The following ARMH4 variants were observed in gnomAD, a reference collection of about 807,000 sequenced individuals.
ARMH4 encodes the protein armadillo like helical domain containing 4.
ARMH4 carries 49 observed loss-of-function variants against 61.9 expected under a neutral mutation model. That is an observed-to-expected ratio of 0.79 (90% confidence interval 0.63 to 1.00). The LOEUF (loss-of-function observed/expected upper bound fraction) is 1.00. Among genes scored for constraint, ARMH4 ranks in the 50% least tolerant of loss-of-function variants. The pLI, the probability that ARMH4 is intolerant of heterozygous loss-of-function variation, is 0.00. For synonymous variants in ARMH4, 368 were observed against 341.5 expected (o/e 1.08, Z -0.85); for missense variants, 934 against 930.0 (o/e 1.00, Z -0.06).
intron 5 of ARMH4, among the ~76,000 whole-genome samples, chr14:58,040,167 T>G (rs141205403): frequency 6.6e-6 from 1 of 152,094 alleles, no homozygotes; most frequent in South Asian, 2.1e-4. Context: ...ATTGATTTTT[T>G]TTTTAACTTT....
In ARMH4 at chr14:58,073,598, G is replaced by GA. The variant is rs142586195; in HGVS notation, c.2089+23125dup. ...AGGATGGGTTTATTTACTTCACTGG[G>GA]AAAAAAAAATAGTCTTCTAACCTTG... On this transcript the variant is annotated intron_variant, in intron 5 of 7. Coordinates refer to ENST00000267485, the MANE Select transcript of ARMH4 (RefSeq NM_001001872.4). 3.3e-3 allele frequency among the ~76,000 whole-genome samples: 496 copies of GA among 150,726 alleles called. 3 individuals carry two copies. Among genetic ancestry groups the GA allele is most frequent in the African/African-American group, 0.01 (423 of 41,200 alleles).
At chr14:58,148,287 C>T (rs368238177) in intron 1 of ARMH4, among the ~76,000 whole-genome samples, 323 of 152,254 alleles carry the variant, frequency 2.1e-3, no homozygotes, top group African/African-American at 6.7e-3. Flanking sequence ...CTTCGTGATC[C>T]ACCCACCTCG....
intron 5 of ARMH4, among the ~76,000 whole-genome samples, chr14:58,080,630 T>C (rs1160083413): frequency 1.3e-5 from 2 of 152,118 alleles, no homozygotes; most frequent in African/African-American, 2.4e-5. Context: ...AAACTACCCA[T>C]TGGGTACTAT....
intron 5 of ARMH4, among the ~76,000 whole-genome samples, chr14:58,047,421 T>C (rs190250696): frequency 1.3e-4 from 20 of 152,336 alleles, no homozygotes; most frequent in Middle Eastern, 3.4e-3. Context: ...ACATATAGTG[T>C]TAACTGTGTA....
intron 6 of ARMH4, among the ~76,000 whole-genome samples, chr14:58,006,764 G>A (rs1394931696): frequency 7.2e-6 from 1 of 139,484 alleles, no homozygotes; most frequent in Non-Finnish European, 1.5e-5. Context: ...CTGTCGTGGG[G>A]TGAGGGGAGG....
At chr14:58,021,798 G>A (rs542780051) in intron 5 of ARMH4, among the ~76,000 whole-genome samples, 20 of 152,282 alleles carry the variant, frequency 1.3e-4, no homozygotes, top group African/African-American at 2.4e-4. Flanking sequence ...AGAAGAGCTC[G>A]TTCCAAGCAT....
intron 1 of ARMH4, among the ~76,000 whole-genome samples, chr14:58,145,027 T>C (rs934330133): frequency 6.6e-6 from 1 of 152,246 alleles, no homozygotes; most frequent in Non-Finnish European, 1.5e-5. Context: ...GGTTCATTTC[T>C]GATCTGTTCA....
chr14:58,109,602 A>C (rs11158198), intron 4 of ARMH4, among the ~76,000 whole-genome samples: 60,831 of 152,080 alleles, frequency 0.4, 13,832 homozygotes, highest in Non-Finnish European at 0.52. Flanking sequence ...TTTCTTCTTT[A>C]GGAGTACACT....
At chr14:58,090,820 C>A (rs550791632) in intron 5 of ARMH4, among the ~76,000 whole-genome samples, 1 of 139,744 alleles carries the variant, frequency 7.2e-6, no homozygotes. Context: ...GTGGAGGTTG[C>A]AATGAGCTCA....
intron 5 of ARMH4, among the ~76,000 whole-genome samples, chr14:58,078,645 T>A (rs1036927479): frequency 6.6e-6 from 1 of 152,252 alleles, no homozygotes; most frequent in African/African-American, 2.4e-5. Context: ...AAGAGTGAGA[T>A]AGTAAATATT....
At chr14:58,006,003 G>A (rs533178610) in intron 6 of ARMH4, among the ~76,000 whole-genome samples, 14 of 152,288 alleles carry the variant, frequency 9.2e-5, no homozygotes, top group Admixed American at 7.8e-4. Context: ...GATCCTGGAA[G>A]TGTCAAATTC....
At chr14:58,098,322 A>G (rs1358158725) in intron 4 of ARMH4, among the ~76,000 whole-genome samples, 1 of 152,178 alleles carries the variant, frequency 6.6e-6, no homozygotes, top group Non-Finnish European at 1.5e-5. Context: ...CTAAAAATTC[A>G]ACAAATATGT....
At chr14:58,136,435 C>T (rs1176457661) in intron 2 of ARMH4, among the ~76,000 whole-genome samples, 2 of 152,148 alleles carry the variant, frequency 1.3e-5, no homozygotes, top group East Asian at 1.9e-4. Context: ...TGGCCATGTG[C>T]ACCCAACTCC....
At chr14:58,148,850 C>A (rs1326310750) in intron 1 of ARMH4, among the ~76,000 whole-genome samples, 1 of 122,710 alleles carries the variant, frequency 8.1e-6, no homozygotes, top group Non-Finnish European at 1.7e-5. Context: ...GTTTATTACA[C>A]ACACACACAC....
At chr14:58,054,888 AT>A (rs1159386855) in intron 5 of ARMH4, among the ~76,000 whole-genome samples, 10 of 148,610 alleles carry the variant, frequency 6.7e-5, no homozygotes, top group African/African-American at 2.2e-4. Context: ...AAAAAAAATA[AT>A]AATAATAATA....
intron 1 of ARMH4, among the ~76,000 whole-genome samples, chr14:58,151,059 G>A (rs774277348): frequency 4.6e-5 from 7 of 152,104 alleles, no homozygotes; most frequent in Non-Finnish European, 8.8e-5. Flanking sequence ...AGAACCCTAG[G>A]GATGGTTTTG....
intron 4 of ARMH4, among the ~76,000 whole-genome samples, chr14:58,113,952 A>T (rs1886433175): frequency 6.6e-6 from 1 of 151,668 alleles, no homozygotes; most frequent in South Asian, 2.1e-4. Context: ...GCTTTTATAA[A>T]TGGTTATTTT....
At chr14:58,108,947 C>A (rs911158673) in intron 4 of ARMH4, among the ~76,000 whole-genome samples, 1 of 152,154 alleles carries the variant, frequency 6.6e-6, no homozygotes, top group African/African-American at 2.4e-5. Flanking sequence ...GGTTGTGTAT[C>A]CATTCAGTAT....
At chr14:58,062,726 G>T (rs764353548) in intron 5 of ARMH4, among the ~76,000 whole-genome samples, 3 of 152,224 alleles carry the variant, frequency 2.0e-5, no homozygotes, top group South Asian at 2.1e-4. Flanking sequence ...TCTCAGAGAG[G>T]TTAAATAATT....
Sources: gnomAD v4.1 joint callset for allele counts (sites outside exome capture counted in the v4.1 genomes callset) on GRCh38, gnomAD v4.1.1 for gene constraint, MANE v1.5 for transcripts, NCBI Gene and HGNC (gene_info 2026-07-23, HGNC 2026-07-21) for gene names.